Variants in SAXO1 observed in about 807,000 individuals in gnomAD.
The protein encoded by SAXO1 is stabilizer of axonemal microtubules 1, also known as 4930500O09Rik.
Under a neutral mutation model 17.5 loss-of-function variants are expected in SAXO1, and 21 were observed. That is an observed-to-expected ratio of 1.20 (90% CI 0.85 to 1.72). SAXO1 has a LOEUF of 1.72. Ranked by LOEUF, SAXO1 falls within the 40% of genes most tolerant of loss-of-function variation. SAXO1 has a pLI of 0.00. For missense variants in SAXO1, 843 were observed against 596.0 expected (o/e 1.41, Z -4.32); for synonymous variants, 274 against 216.5 (o/e 1.27, Z -2.33).
At position 18,948,894 on chromosome 9, in the gene SAXO1, C is replaced by A. The variant is rs1831908512; in HGVS notation, c.218+1864G>T. 2.0e-5 allele frequency among the ~76,000 whole-genome samples: 3 copies of A among 152,154 alleles called. No individual in the cohort carries two copies. In the South Asian group the frequency reaches 6.2e-4, roughly 32 times the overall value. On this transcript the variant is annotated intron_variant, in intron 2 of 3. Coordinates refer to ENST00000380534, the MANE Select transcript of SAXO1 (RefSeq NM_153707.4). ...TTGGATATAAAGAGATAAAAAGACC[C>A]ACACCTGGAGACCGAACAAGATATT...
In SAXO1 at chr9:18,950,830, G is replaced by A; in HGVS notation, c.146C>T (p.Pro49Leu). 6.2e-7 allele frequency: 1 copy of A among 1,613,748 alleles called. No individual in the cohort carries two copies. The highest frequency in any genetic ancestry group is 8.5e-7 in the Non-Finnish European group (1 of 1,179,736). The change falls in exon 2 of 4, where the codon CCC becomes CTC. Residue 49 changes from proline to leucine, a missense_variant. Physicochemically the swap from Pro to Leu is moderately conservative, Grantham distance 98. Coordinates refer to ENST00000380534, the MANE Select transcript of SAXO1 (RefSeq NM_153707.4). ...ENYPFYHSYL[P>L]RESFKPRREY... ...CCGCCTTGGCTTGAAGGACTCTCTGGGCAGGTAGGAGTGATAGAAAGGGTA... is the reference window on the plus strand; with the variant it reads ...CCGCCTTGGCTTGAAGGACTCTCTGAGCAGGTAGGAGTGATAGAAAGGGTA...
intron 1 of SAXO1, among the ~76,000 whole-genome samples, chr9:19,021,102 C>T (rs962847975): frequency 6.6e-6 from 1 of 152,254 alleles, no homozygotes; most frequent in African/African-American, 2.4e-5. Context: ...GACCTCACCC[C>T]TCCTGATGCT....
intron 1 of SAXO1, among the ~76,000 whole-genome samples, chr9:18,979,846 T>C (rs72694596): frequency 0.043 from 6,495 of 152,262 alleles, 198 homozygotes; most frequent in Admixed American, 0.084. Context: ...ATTTTTCTTT[T>C]TTTAAAAAGA....
chr9:18,946,607 G>A (rs1030375770), intron 2 of SAXO1, among the ~76,000 whole-genome samples: 1 of 151,568 alleles, frequency 6.6e-6, no homozygotes, highest in African/African-American at 2.4e-5. Context: ...CATTCTCACT[G>A]TACAAAAATC....
intron 1 of SAXO1, among the ~76,000 whole-genome samples, chr9:18,997,393 G>A (rs1344560883): frequency 6.6e-6 from 1 of 152,226 alleles, no homozygotes; most frequent in Non-Finnish European, 1.5e-5. Flanking sequence ...GTAAGAGGAG[G>A]GGCATCTGCC....
chr9:19,029,105 G>C (rs1835644416), intron 1 of SAXO1, among the ~76,000 whole-genome samples: 1 of 152,192 alleles, frequency 6.6e-6, no homozygotes, highest in African/African-American at 2.4e-5. Context: ...TTCCTCAGCA[G>C]CTGTGGGCAG....
chr9:18,967,703 A>G (rs1228436664), intron 1 of SAXO1, among the ~76,000 whole-genome samples: 1 of 152,110 alleles, frequency 6.6e-6, no homozygotes, highest in Non-Finnish European at 1.5e-5. Context: ...GGATCCGCTG[A>G]GCAAGACCAT....
chr9:18,955,184 G>A (rs1431126535), intron 1 of SAXO1, among the ~76,000 whole-genome samples: 1 of 152,170 alleles, frequency 6.6e-6, no homozygotes, highest in Non-Finnish European at 1.5e-5. Flanking sequence ...TCCAGCCTGG[G>A]TGATGTAGTA....
intron 1 of SAXO1, among the ~76,000 whole-genome samples, chr9:18,963,113 A>G (rs143635341): frequency 0.15 from 23,544 of 152,048 alleles, 3,860 homozygotes; most frequent in African/African-American, 0.42. Flanking sequence ...GGTTGTAGAT[A>G]TGTGGTGTTA....
chr9:18,992,679 G>C (rs1369238988), intron 1 of SAXO1, among the ~76,000 whole-genome samples: 3 of 152,186 alleles, frequency 2.0e-5, no homozygotes, highest in African/African-American at 7.2e-5. Flanking sequence ...CCAAGTGAGA[G>C]AGTTTGGAGA....
intron 1 of SAXO1, among the ~76,000 whole-genome samples, chr9:18,982,775 T>C (rs1390857164): frequency 6.6e-6 from 1 of 152,230 alleles, no homozygotes; most frequent in Non-Finnish European, 1.5e-5. Flanking sequence ...GAGTAACATA[T>C]CTTGGAAATC....
Position 18,928,223 on chromosome 9 carries a change from G to A in SAXO1, c.1254C>T (p.Gly418=), listed in dbSNP as rs753877555. 10 of 1,614,142 alleles carry A rather than the reference G, an allele frequency of 6.2e-6. 1 individual carries two copies. In the South Asian group the frequency reaches 9.9e-5, roughly 16 times the overall value. Residue 418 remains glycine (G), a synonymous_variant, in exon 4 of 4, where the codon GGC becomes GGT. Transcript: ENST00000380534. ...YTISFTPKEM[G]RCLASYPEPP... ...GCTCAGGATATGAAGCTAGGCACCTGCCCATTTCCTTGGGAGTAAAGCTGA... is the reference window on the plus strand; with the variant it reads ...GCTCAGGATATGAAGCTAGGCACCTACCCATTTCCTTGGGAGTAAAGCTGA...
intron 3 of SAXO1, among the ~76,000 whole-genome samples, chr9:18,938,629 T>C (rs1291823123): frequency 6.6e-6 from 1 of 151,952 alleles, no homozygotes; most frequent in East Asian, 1.9e-4. Flanking sequence ...AACATGAGAT[T>C]TCATGGGGGC....
At chr9:18,948,107 G>C (rs1316082931) in intron 2 of SAXO1, among the ~76,000 whole-genome samples, 1 of 152,132 alleles carries the variant, frequency 6.6e-6, no homozygotes, top group Non-Finnish European at 1.5e-5. Flanking sequence ...AGGGTGTGCA[G>C]ACACTGGGCT....
chr9:18,951,630 T>G (rs1832043375), intron 1 of SAXO1, among the ~76,000 whole-genome samples: 1 of 152,174 alleles, frequency 6.6e-6, no homozygotes, highest in Non-Finnish European at 1.5e-5. Context: ...CCCACTACTC[T>G]TCCCTGTGTG....
chr9:18,936,247 T>C (rs932945818), intron 3 of SAXO1, among the ~76,000 whole-genome samples: 3 of 152,210 alleles, frequency 2.0e-5, no homozygotes, highest in Non-Finnish European at 4.4e-5. Context: ...TTCATTTTAA[T>C]TGAAAATCTA....
At chr9:18,985,059 T>A (rs1238630268) in intron 1 of SAXO1, among the ~76,000 whole-genome samples, 1 of 152,104 alleles carries the variant, frequency 6.6e-6, no homozygotes, top group Non-Finnish European at 1.5e-5. Context: ...TTCAAATATT[T>A]GCCCTAATTT....
In SAXO1 at chr9:19,032,833, A is replaced by G. The variant is rs768479936; in HGVS notation, c.38+38T>C. The G allele has an allele frequency of 3.1e-6, 5 of 1,604,106 alleles. No homozygotes were observed. In the Admixed American group the frequency reaches 6.7e-5, roughly 22 times the overall value. On this transcript the variant is annotated intron_variant, in intron 1 of 3. Coordinates refer to ENST00000380534, the MANE Select transcript of SAXO1 (RefSeq NM_153707.4). ...CCCTTCCTCGGGAGTCTGAAAACCCAGGCTCCCCCAGCCTTGCCCTGGGCG... is the reference window on the plus strand; with the variant it reads ...CCCTTCCTCGGGAGTCTGAAAACCCGGGCTCCCCCAGCCTTGCCCTGGGCG...
chr9:19,047,536 C>G (rs1564000788), intron 1 of SAXO1, among the ~76,000 whole-genome samples: 1 of 152,038 alleles, frequency 6.6e-6, no homozygotes, highest in East Asian at 1.9e-4. Flanking sequence ...GAGTCCAGTA[C>G]AATGCAAATT....
Sources: gnomAD v4.1 joint callset for allele counts (sites outside exome capture counted in the v4.1 genomes callset) on GRCh38, gnomAD v4.1.1 for gene constraint, MANE v1.5 for transcripts, NCBI Gene and HGNC (gene_info 2026-07-23, HGNC 2026-07-21) for gene names.